Variants in PTPRD observed in about 807,000 individuals in gnomAD.
The protein encoded by PTPRD is receptor-type tyrosine-protein phosphatase delta.
Under a neutral mutation model 214.5 loss-of-function variants are expected in PTPRD, and 34 were observed. The observed-to-expected ratio is 0.16, with a 90% CI of 0.12 to 0.21. The LOEUF is 0.21. PTPRD is among the 10% of genes least tolerant of loss of function. PTPRD has a pLI of 1.00. For synonymous variants in PTPRD, 1,128 were observed against 845.7 expected, an observed-to-expected ratio of 1.33 and a Z score of -5.79; for missense variants, 2,545 against 2,398.7, an observed-to-expected ratio of 1.06 and a Z score of -1.27.
intron 9 of PTPRD, among the ~76,000 whole-genome samples, chr9:9,243,321 G>A (rs1404796088): frequency 6.6e-6 from 1 of 152,006 alleles, no homozygotes; most frequent in Non-Finnish European, 1.5e-5. Flanking sequence ...ACCAAAGCCT[G>A]GCAGAGACAC....
Position 10,556,310 on chromosome 9 carries a change from C to G in PTPRD, c.-600+56088G>C. Among the ~76,000 whole-genome samples the G allele has an allele frequency of 2.6e-5, 4 of 151,476 alleles. No individual in the cohort carries two copies. The Admixed American group carries it at 2.6e-4, about 10-fold the overall frequency. ...TTCGAAATTTTACAATGTATGTGAT[C>G]TTAATAGAGTGGTAAATATTTAGGA... is the stretch of plus-strand genomic sequence containing the variant. On this transcript the variant is annotated intron_variant, in intron 2 of 45. Transcript: ENST00000381196.
At chr9:8,624,979 A>G (rs1047971761) in intron 14 of PTPRD, among the ~76,000 whole-genome samples, 1 of 151,840 alleles carries the variant, frequency 6.6e-6, no homozygotes, top group Non-Finnish European at 1.5e-5. Flanking sequence ...CTACATAACC[A>G]TATCTATAGA....
intron 3 of PTPRD, among the ~76,000 whole-genome samples, chr9:10,281,998 A>G (rs1444685902): frequency 2.6e-5 from 4 of 152,106 alleles, no homozygotes; most frequent in Non-Finnish European, 5.9e-5. Flanking sequence ...ATAAAAAAAA[A>G]AAAGGTGCAA....
chr9:9,353,970 A>G (rs1162830551), intron 9 of PTPRD, among the ~76,000 whole-genome samples: 1 of 151,630 alleles, frequency 6.6e-6, no homozygotes, highest in African/African-American at 2.4e-5. Context: ...TTGTGATGGA[A>G]TGACTGCGGT....
chr9:9,716,642 T>C (rs1472879692), intron 7 of PTPRD, among the ~76,000 whole-genome samples: 4 of 152,264 alleles, frequency 2.6e-5, no homozygotes, highest in Non-Finnish European at 5.9e-5. Context: ...TTTGGCTGCA[T>C]AAATGTCTTC....
chr9:8,649,681 T>C (rs1440269416), intron 12 of PTPRD, among the ~76,000 whole-genome samples: 1 of 152,244 alleles, frequency 6.6e-6, no homozygotes, highest in Non-Finnish European at 1.5e-5. Flanking sequence ...ATGTTTCATG[T>C]AGCACAAAAT....
chr9:8,368,423 T>C lies in PTPRD; in HGVS notation c.4661+7513A>G, dbSNP rs540785658. 7.9e-5 allele frequency among the ~76,000 whole-genome samples: 12 copies of C among 152,246 alleles called. No homozygotes were observed. The South Asian group carries it at 2.3e-3, about 29-fold the overall frequency. On this transcript the variant is annotated intron_variant, in intron 39 of 45. Transcript: ENST00000381196. ...TCTTAGGCACGAAATGGGAACAGGA[T>C]TGGTGATAGGTTCTCAGTTGCCCTT... is the stretch of plus-strand genomic sequence containing the variant.
At chr9:8,513,383 G>A (rs1326257506) in intron 21 of PTPRD, among the ~76,000 whole-genome samples, 2 of 151,962 alleles carry the variant, frequency 1.3e-5, no homozygotes, top group Admixed American at 6.6e-5. Flanking sequence ...CAAATCAAAA[G>A]TGAGACTTCT....
chr9:10,542,386 T>C (rs937914527), intron 2 of PTPRD, among the ~76,000 whole-genome samples: 1 of 152,156 alleles, frequency 6.6e-6, no homozygotes, highest in Admixed American at 6.5e-5. Context: ...AAAACATAAA[T>C]CTTAAATATT....
intron 5 of PTPRD, among the ~76,000 whole-genome samples, chr9:9,862,454 C>G (rs2062983056): frequency 6.6e-6 from 1 of 152,142 alleles, no homozygotes; most frequent in African/African-American, 2.4e-5. Context: ...GAAAACAAAA[C>G]AAAACAAAAA....
chr9:9,940,836 A>G (rs1320101123), intron 4 of PTPRD, among the ~76,000 whole-genome samples: 1 of 152,110 alleles, frequency 6.6e-6, no homozygotes, highest in Non-Finnish European at 1.5e-5. Flanking sequence ...TTGCCTAGAA[A>G]ACTCTTGCTC....
intron 4 of PTPRD, among the ~76,000 whole-genome samples, chr9:9,976,443 G>C (rs1447237090): frequency 6.6e-6 from 1 of 151,856 alleles, no homozygotes; most frequent in Non-Finnish European, 1.5e-5. Flanking sequence ...CAGGATTGCA[G>C]TGGCATGATC....
At chr9:8,594,364 A>G (rs936399435) in intron 14 of PTPRD, among the ~76,000 whole-genome samples, 1 of 152,246 alleles carries the variant, frequency 6.6e-6, no homozygotes, top group African/African-American at 2.4e-5. Context: ...TTTATCAAAG[A>G]TCTCCTAAGA....
chr9:10,042,713 G>T (rs1266136085), intron 3 of PTPRD, among the ~76,000 whole-genome samples: 1 of 151,820 alleles, frequency 6.6e-6, no homozygotes, highest in Non-Finnish European at 1.5e-5. Context: ...AAGACTGAAG[G>T]CTACATTGGT....
intron 2 of PTPRD, among the ~76,000 whole-genome samples, chr9:10,538,481 C>A (rs911112191): frequency 8.5e-5 from 13 of 152,138 alleles, no homozygotes; most frequent in African/African-American, 1.2e-4. Context: ...ATCCCTCTCT[C>A]TATATATACA....
intron 12 of PTPRD, among the ~76,000 whole-genome samples, chr9:8,722,530 C>T (rs1768110571): frequency 6.6e-6 from 1 of 151,136 alleles, no homozygotes; most frequent in African/African-American, 2.4e-5. Flanking sequence ...AGAAGTTTAC[C>T]AGGAAATATT....
intron 10 of PTPRD, among the ~76,000 whole-genome samples, chr9:9,026,335 G>A (rs1418477990): frequency 6.6e-6 from 1 of 151,982 alleles, no homozygotes; most frequent in South Asian, 2.1e-4. Context: ...AGACAGGTAA[G>A]AGAGGAGGTG....
At chr9:10,442,528 G>T (rs73408125) in intron 2 of PTPRD, among the ~76,000 whole-genome samples, 1,541 of 151,686 alleles carry the variant, frequency 0.01, 22 homozygotes, top group African/African-American at 0.029. Context: ...AGGTAGGTCA[G>T]CAAAGGGATC....
At chr9:9,015,726 T>C (rs2099532072) in intron 11 of PTPRD, among the ~76,000 whole-genome samples, 1 of 152,160 alleles carries the variant, frequency 6.6e-6, no homozygotes, top group Non-Finnish European at 1.5e-5. Context: ...TATTTTCATT[T>C]CTTTCTAATG....
Sources: gnomAD v4.1 joint callset for allele counts (sites outside exome capture counted in the v4.1 genomes callset) on GRCh38, gnomAD v4.1.1 for gene constraint, MANE v1.5 for transcripts, NCBI Gene and HGNC (gene_info 2026-07-23, HGNC 2026-07-21) for gene names.